EXOC4: variants seen among roughly 807,000 people sequenced by gnomAD.
The protein encoded by EXOC4 is exocyst complex component 4.
A neutral mutation model predicts 107.2 loss-of-function variants in EXOC4; 71 were observed. That is an observed-to-expected ratio of 0.66 (90% CI 0.55 to 0.81). EXOC4 has a LOEUF of 0.81. Ranked by LOEUF, EXOC4 falls within the 30% of genes least tolerant of loss-of-function variation. EXOC4 has a pLI of 0.00. For synonymous variants in EXOC4, 456 were observed against 441.2 expected (o/e 1.03, Z -0.42); for missense variants, 1,108 against 1,189.6 (o/e 0.93, Z 1.01).
At chr7:133,411,060 ATCTTAAGAGTC>A (rs1487801954) in intron 7 of EXOC4, among the ~76,000 whole-genome samples, 1 of 152,110 alleles carries the variant, frequency 6.6e-6, no homozygotes, top group Non-Finnish European at 1.5e-5. Flanking sequence ...TGGGACTGTG[ATCTTAAGAGTC>A]TCTTAAGAGG....
chr7:133,324,490 G>A (rs946260970), intron 5 of EXOC4, among the ~76,000 whole-genome samples: 3 of 152,184 alleles, frequency 2.0e-5, no homozygotes, highest in African/African-American at 7.2e-5. Flanking sequence ...TCAGGAGCAG[G>A]TTGTTCAGTT....
At chr7:133,652,703 G>A (rs1803191032) in intron 10 of EXOC4, among the ~76,000 whole-genome samples, 1 of 152,112 alleles carries the variant, frequency 6.6e-6, no homozygotes, top group South Asian at 2.1e-4. Flanking sequence ...GGCCTTAGGT[G>A]GCCCCCTTGG....
At chr7:133,756,456 T>C (rs1795919762) in intron 10 of EXOC4, among the ~76,000 whole-genome samples, 1 of 152,204 alleles carries the variant, frequency 6.6e-6, no homozygotes, top group Admixed American at 6.5e-5. Flanking sequence ...AAAAGTCCTG[T>C]TAAGCTGTAA....
At chr7:133,906,643 C>T (rs1799572057) in intron 12 of EXOC4, among the ~76,000 whole-genome samples, 1 of 152,222 alleles carries the variant, frequency 6.6e-6, no homozygotes, top group Admixed American at 6.5e-5. Context: ...CTGCATTCTT[C>T]TGCTCTGTGT....
chr7:133,747,503 CAAG>C (rs1795702658), intron 10 of EXOC4, among the ~76,000 whole-genome samples: 1 of 151,862 alleles, frequency 6.6e-6, no homozygotes, highest in South Asian at 2.1e-4. Flanking sequence ...GTTAGAACGC[CAAG>C]AAGACTAATA....
Position 134,007,844 on chromosome 7 carries a change from GA to G in EXOC4, c.2687+13del. On this transcript the variant is annotated intron_variant, in intron 17 of 17. Coordinates refer to ENST00000253861, the MANE Select transcript of EXOC4 (RefSeq NM_021807.4). ...GACCTGGACTTTGCAAGGTAGGAGG[GA>G]AAACTGGGTTTAGTTTCTTATGCCA... The G allele has an allele frequency of 6.2e-7, 1 of 1,607,026 alleles. No homozygotes were observed. The highest frequency in any genetic ancestry group is 8.5e-7 in the Non-Finnish European group (1 of 1,176,020).
At chr7:133,290,830 A>G (rs1794388204) in intron 3 of EXOC4, 1 of 152,192 alleles carries the variant, frequency 6.6e-6, no homozygotes, top group East Asian at 1.9e-4. Flanking sequence ...TTAAGTAAAA[A>G]TAATTGTTTG....
Position 133,320,862 on chromosome 7 carries a change from A to G in EXOC4, c.763+3472A>G, listed in dbSNP as rs575088998. Among the ~76,000 whole-genome samples, 31 of 152,360 alleles carry G rather than the reference A, an allele frequency of 2.0e-4. 1 individual carries two copies. The highest frequency in any genetic ancestry group is 7.2e-4 in the African/African-American group (30 of 41,586). On this transcript the variant is annotated intron_variant, in intron 5 of 17. Transcript: ENST00000253861. Reference sequence around the variant, plus strand: ...AGAACTGCACAAAATGTTACTAAGTACATATAAAAGTATGGGGCTGATGAA... The same window carrying G: ...AGAACTGCACAAAATGTTACTAAGTGCATATAAAAGTATGGGGCTGATGAA...
chr7:133,813,031 C>G (rs576007286), intron 10 of EXOC4, among the ~76,000 whole-genome samples: 1 of 152,154 alleles, frequency 6.6e-6, no homozygotes, highest in African/African-American at 2.4e-5. Flanking sequence ...GGTCCCTTGC[C>G]GCTCTGAAAG....
At chr7:134,000,396 C>T (rs1794505050) in intron 15 of EXOC4, among the ~76,000 whole-genome samples, 1 of 152,092 alleles carries the variant, frequency 6.6e-6, no homozygotes, top group Non-Finnish European at 1.5e-5. Context: ...TAGAGACCAT[C>T]GAGCAGCTCT....
At chr7:133,716,893 TCA>T (rs1795009437) in intron 10 of EXOC4, among the ~76,000 whole-genome samples, 1 of 152,020 alleles carries the variant, frequency 6.6e-6, no homozygotes, top group African/African-American at 2.4e-5. Context: ...TGAGCCCAGA[TCA>T]CACCCCTGCA....
chr7:133,428,940 T>TA (rs1797790166), intron 7 of EXOC4, among the ~76,000 whole-genome samples: 1 of 152,208 alleles, frequency 6.6e-6, no homozygotes, highest in Admixed American at 6.5e-5. Context: ...ATGTTATACA[T>TA]ATGTGTAGAT....
chr7:133,676,441 C>T (rs763815353), intron 10 of EXOC4, among the ~76,000 whole-genome samples: 5 of 152,124 alleles, frequency 3.3e-5, no homozygotes, highest in African/African-American at 4.8e-5. Flanking sequence ...ATATTTCAAT[C>T]ACATTAGCCT....
intron 9 of EXOC4, among the ~76,000 whole-genome samples, chr7:133,574,481 G>A (rs1479774367): frequency 3.3e-5 from 5 of 152,084 alleles, no homozygotes; most frequent in Non-Finnish European, 7.4e-5. Context: ...TTTGTTACTT[G>A]CCCTGATTTT....
intron 11 of EXOC4, among the ~76,000 whole-genome samples, chr7:133,856,069 T>C (rs961250783): frequency 2.0e-5 from 3 of 152,208 alleles, no homozygotes; most frequent in African/African-American, 7.2e-5. Flanking sequence ...TACATGCTTA[T>C]TAATTGTAAG....
chr7:133,623,197 G>A (rs543666240), intron 9 of EXOC4, among the ~76,000 whole-genome samples: 2 of 145,828 alleles, frequency 1.4e-5, no homozygotes, highest in Admixed American at 6.8e-5. Context: ...AAAGTATAAC[G>A]CGAGAGCTAC....
intron 11 of EXOC4, among the ~76,000 whole-genome samples, chr7:133,839,946 G>A (rs1797990871): frequency 6.6e-6 from 1 of 152,052 alleles, no homozygotes; most frequent in African/African-American, 2.4e-5. Context: ...TTAGAGAAGG[G>A]CAGATATACT....
At chr7:133,593,954 A>C (rs1248879497) in intron 9 of EXOC4, among the ~76,000 whole-genome samples, 1 of 152,212 alleles carries the variant, frequency 6.6e-6, no homozygotes, top group Non-Finnish European at 1.5e-5. Context: ...TTAAAGAATG[A>C]ATTTATCAAA....
At chr7:133,865,457 G>A (rs1402892358) in intron 11 of EXOC4, among the ~76,000 whole-genome samples, 3 of 152,004 alleles carry the variant, frequency 2.0e-5, no homozygotes, top group Non-Finnish European at 2.9e-5. Context: ...GAATTTTTGT[G>A]GTTATTTTTA....
Sources: allele counts gnomAD v4.1 joint callset (sites outside exome capture counted in the v4.1 genomes callset), GRCh38; gene constraint gnomAD v4.1.1; transcripts MANE v1.5; gene names NCBI Gene and HGNC (gene_info 2026-07-23, HGNC 2026-07-21).